PTPRF: variants seen among roughly 807,000 people sequenced by gnomAD.
The protein encoded by PTPRF is receptor-type tyrosine-protein phosphatase F.
PTPRF carries 59 observed loss-of-function variants against 201.8 expected under a neutral mutation model. That is an observed-to-expected ratio of 0.29 (90% CI 0.24 to 0.36). PTPRF has a LOEUF of 0.36. Among genes scored for constraint, PTPRF ranks in the 10% least tolerant of loss-of-function variants. The pLI is 1.00. For missense variants in PTPRF, 2,132 were observed against 2,690.5 expected (o/e 0.79, Z 4.59); for synonymous variants, 1,088 against 1,089.7 (o/e 1.00, Z 0.03).
At chr1:43,532,589 G>T in intron 1 of PTPRF, 1 of 180,742 alleles carries the variant, frequency 5.5e-6, no homozygotes, top group East Asian at 1.3e-4. Flanking sequence ...CTGCTGAGAA[G>T]GGAAGATCTG....
chr1:43,605,185 C>G lies in PTPRF; in HGVS notation c.3136-5C>G, dbSNP rs1654782348. The G allele has an allele frequency of 1.9e-6, 3 of 1,592,680 alleles. No individual in the cohort carries two copies. Among genetic ancestry groups the G allele is most frequent in the African/African-American group, 2.7e-5 (2 of 74,628 alleles). On this transcript the variant is annotated splice_polypyrimidine_tract_variant and splice_region_variant and intron_variant, in intron 17 of 33. Coordinates refer to ENST00000359947, the MANE Select transcript of PTPRF (RefSeq NM_002840.5). The stretch of plus-strand genomic sequence containing the variant: ...GGCATTGATTGCCCCTCCCGTCCCC[C>G]ACAGATTCTGTACAATGGGCAGAGT...
At chr1:43,620,698 G>T (rs1351289581) in intron 31 of PTPRF, 119 bp downstream of exon 31, 2 of 1,532,322 alleles carry the variant, frequency 1.3e-6, no homozygotes, top group Non-Finnish European at 8.9e-7. Context: ...GGGTATTAGG[G>T]TGTGAGCACA....
chr1:43,580,896 T>C (rs550365800), intron 7 of PTPRF, among the ~76,000 whole-genome samples: 10 of 152,358 alleles, frequency 6.6e-5, no homozygotes, highest in African/African-American at 2.2e-4. Flanking sequence ...GCGTGGCCTA[T>C]GGGCACATTT....
At chr1:43,525,497 G>A (rs1643071107), upstream of PTPRF, among the ~76,000 whole-genome samples, 2 of 152,066 alleles carry the variant, frequency 1.3e-5, no homozygotes, top group Admixed American at 1.3e-4. Context: ...GAGGGGAAGA[G>A]TCATTATATC....
intron 5 of PTPRF, among the ~76,000 whole-genome samples, chr1:43,555,268 TAAC>T (rs1484720688): frequency 6.6e-6 from 1 of 152,088 alleles, no homozygotes; most frequent in Non-Finnish European, 1.5e-5. Context: ...CCTCTAGTAA[TAAC>T]ATTTGGTTAC....
At position 43,622,129 on chromosome 1, in the gene PTPRF, C is replaced by T. The variant is rs1011636694; in HGVS notation, c.*126C>T. Reference sequence around the variant, plus strand: ...GCTGTCACTGGCAGAGCACAGCCCACGGGGATCACAGCGTTTCAGGAACGT... The same window carrying T: ...GCTGTCACTGGCAGAGCACAGCCCATGGGGATCACAGCGTTTCAGGAACGT... On this transcript the variant is annotated 3_prime_UTR_variant, in exon 34 of 34. Transcript: ENST00000359947. The T allele has an allele frequency of 1.6e-5, 16 of 1,005,472 alleles. No homozygotes were observed. Among genetic ancestry groups the T allele is most frequent in the Admixed American group, 5.9e-5 (3 of 50,886 alleles). The allele number at this position is 1,005,472 out of a possible 1,614,324, so 62.3% of individuals were successfully genotyped here. A position where few individuals can be genotyped will look rare whatever the true frequency, so the allele number is the denominator to read the frequency against.
chr1:43,591,844 G>T lies in PTPRF; in HGVS notation c.1564G>T (p.Val522Leu). ...CCAGCCCGCGGACTTCCAGGCCGAG[G>T]TGGAGTCGGACACCAGGATCCAGCT... ...PAQPADFQAE[V>L]ESDTRIQLSW... is the part of the protein sequence containing the mutation. Residue 522 changes from valine to leucine, a missense_variant, in exon 10 of 34, where the codon GTG (valine) becomes TTG (leucine). This residue lies in a region of PTPRF where 351 missense variants were observed against 401.7 expected (regional missense o/e 0.87). Transcript: ENST00000359947. The T allele has an allele frequency of 2.5e-6, 4 of 1,613,456 alleles. No homozygotes were observed. Among genetic ancestry groups the T allele is most frequent in the Non-Finnish European group, 3.4e-6 (4 of 1,180,022 alleles).
chr1:43,589,361 A>G (rs1039242293), intron 8 of PTPRF, among the ~76,000 whole-genome samples: 2 of 152,100 alleles, frequency 1.3e-5, no homozygotes, highest in African/African-American at 2.4e-5. Context: ...CCAGGGTCAC[A>G]TAAAAATAAA....
chr1:43,615,232 A>G (rs979194952), intron 23 of PTPRF, among the ~76,000 whole-genome samples: 1 of 152,192 alleles, frequency 6.6e-6, no homozygotes, highest in African/African-American at 2.4e-5. Context: ...CTCTGCCTAT[A>G]GGGCCCCCCT....
At chr1:43,608,716 A>C (rs1431979306) in intron 21 of PTPRF, among the ~76,000 whole-genome samples, 2 of 152,230 alleles carry the variant, frequency 1.3e-5, no homozygotes, top group Non-Finnish European at 2.9e-5. Flanking sequence ...TGTGTGGAAC[A>C]GCAGAGAGGC....
At chr1:43,599,055 A>C in intron 13 of PTPRF, 142 bp downstream of exon 13, 1 of 901,350 alleles carries the variant, frequency 1.1e-6, no homozygotes, top group Non-Finnish European at 1.6e-6. Flanking sequence ...GTGAGACCCG[A>C]GATGCTTTGC....
At chr1:43,574,012 T>G (rs1646756143) in intron 6 of PTPRF, among the ~76,000 whole-genome samples, 2 of 85,122 alleles carry the variant, frequency 2.3e-5, no homozygotes, top group Admixed American at 1.3e-4. Flanking sequence ...TTTTTTTTTT[T>G]TGAGACAGAG....
rs774497940 is a variant in PTPRF at position 43,606,379 on chromosome 1, G to A, written c.3623G>A (p.Gly1208Asp). ...FTLGDKKNYR[G>D]FYNRPLSPDL... Reference sequence around the variant, plus strand: ...TTGGGGGACAAGAAGAACTACCGGGGCTTCTACAACCGGCCCCTGTCTCCG... The same window carrying A: ...TTGGGGGACAAGAAGAACTACCGGGACTTCTACAACCGGCCCCTGTCTCCG... The change falls in exon 20 of 34, where the codon GGC becomes GAC. Residue 1208 changes from glycine to aspartate, a missense_variant. Gly to Asp is a moderately conservative substitution (Grantham distance 94). Around this residue, in one of 6 missense-constraint regions of PTPRF, gnomAD observed 818 missense variants for 915.3 expected, o/e 0.89. Transcript: ENST00000359947. The A allele has an allele frequency of 1.9e-6, 3 of 1,614,184 alleles. No homozygotes were observed. Among genetic ancestry groups the A allele is most frequent in the Non-Finnish European group, 1.7e-6 (2 of 1,180,018 alleles).
rs572470816 is a variant in PTPRF, at chr1:43,567,406, CATATTTACAGCCAAGGA to C, written c.380-2183_380-2167del. Among the ~76,000 whole-genome samples the C allele has an allele frequency of 1.8e-3, 273 of 152,334 alleles. 4 individuals are homozygous for C. Among genetic ancestry groups the C allele is most frequent in the African/African-American group, 6.2e-3 (256 of 41,570 alleles). On this transcript the variant is annotated intron_variant, in intron 5 of 33. Coordinates refer to ENST00000359947, the MANE Select transcript of PTPRF (RefSeq NM_002840.5). The stretch of plus-strand genomic sequence containing the variant: ...AAAATCTGAAAGGGCACTGTGGGAT[CATATTTACAGCCAAGGA>C]GACACTGGGTTTATATCCAGAACTT...
chr1:43,524,893 C>T (rs1346514450), upstream of PTPRF, among the ~76,000 whole-genome samples: 1 of 152,202 alleles, frequency 6.6e-6, no homozygotes, highest in Non-Finnish European at 1.5e-5. Context: ...ATAGCCGTTA[C>T]AGAGAGTGCG....
At chr1:43,609,977 T>C (rs1656056131) in intron 22 of PTPRF, among the ~76,000 whole-genome samples, 1 of 152,090 alleles carries the variant, frequency 6.6e-6, no homozygotes, top group Non-Finnish European at 1.5e-5. Flanking sequence ...ACCTGCCCCT[T>C]CTCCTAGCCA....
chr1:43,538,668 G>A (rs191471220), intron 2 of PTPRF, among the ~76,000 whole-genome samples: 1 of 152,312 alleles, frequency 6.6e-6, no homozygotes, highest in African/African-American at 2.4e-5. Context: ...GTGATGTCCT[G>A]GGACTTACAC....
chr1:43,582,369 A>G (rs1448629561), intron 7 of PTPRF: 1 of 152,254 alleles, frequency 6.6e-6, no homozygotes, highest in Non-Finnish European at 1.5e-5. Context: ...AGCTCCACCC[A>G]CAGTCTAGCA....
intron 5 of PTPRF, among the ~76,000 whole-genome samples, chr1:43,565,669 C>T (rs939161258): frequency 6.6e-5 from 10 of 152,222 alleles, no homozygotes; most frequent in African/African-American, 2.2e-4. Context: ...TGGCCCCTCC[C>T]CGCACTGTGC....
Sources: allele counts gnomAD v4.1 joint callset (sites outside exome capture counted in the v4.1 genomes callset), GRCh38; gene constraint gnomAD v4.1.1; regional missense constraint gnomAD v4.1.1; transcripts MANE v1.5; gene names NCBI Gene and HGNC (gene_info 2026-07-23, HGNC 2026-07-21).